Variants in ABAT observed in about 807,000 individuals in gnomAD.
The protein encoded by ABAT is 4-aminobutyrate aminotransferase, mitochondrial.
Under a neutral mutation model 64.6 loss-of-function variants are expected in ABAT, and 45 were observed. The observed-to-expected ratio is 0.70, with a 90% confidence interval of 0.55 to 0.89. The LOEUF is 0.89. Ranked by LOEUF, ABAT falls within the 40% of genes least tolerant of loss-of-function variation. The pLI is 0.00. For missense variants in ABAT, 633 were observed against 658.4 expected, an observed-to-expected ratio of 0.96 and a Z score of 0.42; for synonymous variants, 297 against 250.5, an observed-to-expected ratio of 1.19 and a Z score of -1.75.
At chr16:8,687,114 G>GT (rs2057472757) in intron 1 of ABAT, among the ~76,000 whole-genome samples, 1 of 152,162 alleles carries the variant, frequency 6.6e-6, no homozygotes, top group Admixed American at 6.5e-5. Flanking sequence ...TGGGTGCATT[G>GT]TGGAGAGAGA....
chr16:8,769,178 C>G (rs1041444837), intron 11 of ABAT, among the ~76,000 whole-genome samples: 2 of 152,220 alleles, frequency 1.3e-5, no homozygotes, highest in Non-Finnish European at 2.9e-5. Context: ...TCTGTCACAG[C>G]ATCCATCACC....
At chr16:8,694,690 G>C (rs901098367) in intron 1 of ABAT, among the ~76,000 whole-genome samples, 1 of 152,214 alleles carries the variant, frequency 6.6e-6, no homozygotes, top group African/African-American at 2.4e-5. Flanking sequence ...AGCTATGAAA[G>C]ATTTTGTTTT....
At chr16:8,762,460 G>A (rs2059825522) in intron 6 of ABAT, among the ~76,000 whole-genome samples, 1 of 152,204 alleles carries the variant, frequency 6.6e-6, no homozygotes, top group African/African-American at 2.4e-5. Flanking sequence ...GCTCAGAGAG[G>A]TTAAGTGAGT....
In ABAT at chr16:8,750,428, G is replaced by A. The variant is rs752701740; in HGVS notation, c.205G>A (p.Glu69Lys). 2.5e-6 allele frequency: 4 copies of A among 1,613,844 alleles called. No individual in the cohort carries two copies. Among genetic ancestry groups the A allele is most frequent in the Non-Finnish European group, 2.5e-6 (3 of 1,179,840 alleles). ...MKQLNIIQNA[E>K]AVHFFCNYEE... is the part of the protein sequence containing the mutation. ...GGTCTTTTCTTTCTCCAAGAATGCAGAGGCTGTGCATTTTTTCTGCAATTA... is the reference window on the plus strand; with the variant it reads ...GGTCTTTTCTTTCTCCAAGAATGCAAAGGCTGTGCATTTTTTCTGCAATTA... The change falls in exon 5 of 16, where the codon GAG becomes AAG. Residue 69 changes from glutamate (E) to lysine (K), a missense_variant. Transcript: ENST00000268251.
intron 11 of ABAT, among the ~76,000 whole-genome samples, chr16:8,770,636 T>C (rs1183076708): frequency 6.6e-6 from 1 of 152,000 alleles, no homozygotes; most frequent in African/African-American, 2.4e-5. Flanking sequence ...GAAACAGGTT[T>C]TGCCGTGTTG....
intron 1 of ABAT, among the ~76,000 whole-genome samples, chr16:8,720,083 G>A (rs1011710604): frequency 6.6e-6 from 1 of 152,180 alleles, no homozygotes; most frequent in East Asian, 1.9e-4. Flanking sequence ...AAAGTGCTAG[G>A]ATTACAGGCG....
At chr16:8,728,878 C>G (rs2058635384) in intron 1 of ABAT, among the ~76,000 whole-genome samples, 2 of 152,096 alleles carry the variant, frequency 1.3e-5, no homozygotes, top group Middle Eastern at 3.2e-3. Context: ...ATCTCAAAAA[C>G]AAAGAGTTTG....
At chr16:8,715,265 G>C (rs1469676751) in intron 1 of ABAT, 1 of 152,166 alleles carries the variant, frequency 6.6e-6, no homozygotes, top group Non-Finnish European at 1.5e-5. Flanking sequence ...AGAGATTAAA[G>C]AGCCATGAGC....
intron 1 of ABAT, among the ~76,000 whole-genome samples, chr16:8,706,124 C>G (rs1251991593): frequency 6.6e-6 from 1 of 152,074 alleles, no homozygotes; most frequent in Non-Finnish European, 1.5e-5. Context: ...AAAAGATACT[C>G]ATGCTGGCTG....
intron 1 of ABAT, among the ~76,000 whole-genome samples, chr16:8,730,792 A>G (rs2058695663): frequency 6.6e-6 from 1 of 152,160 alleles, no homozygotes; most frequent in Non-Finnish European, 1.5e-5. Flanking sequence ...AAATCCATGC[A>G]TTAGGCACAA....
intron 1 of ABAT, among the ~76,000 whole-genome samples, chr16:8,682,218 CACACACACAG>C (rs1253339820): frequency 2.0e-4 from 29 of 144,348 alleles, no homozygotes; most frequent in East Asian, 6.8e-4. Context: ...CACACACACA[CACACACACAG>C]AGGAGGCATT....
intron 1 of ABAT, among the ~76,000 whole-genome samples, chr16:8,703,635 G>A (rs1198948321): frequency 1.3e-5 from 2 of 152,148 alleles, no homozygotes; most frequent in Admixed American, 6.6e-5. Flanking sequence ...GTGTCTGAGG[G>A]CAAAAGTGGC....
At chr16:8,766,401 T>C (rs1033618655) in intron 9 of ABAT, 131 bp downstream of exon 9, 3 of 849,782 alleles carry the variant, frequency 3.5e-6, no homozygotes, top group Non-Finnish European at 5.7e-6. Context: ...ATGCCTGTAA[T>C]CCCAGCACTT....
intron 1 of ABAT, among the ~76,000 whole-genome samples, chr16:8,729,145 G>GA (rs56095207): frequency 0.74 from 108,459 of 145,656 alleles, 40,416 homozygotes; most frequent in Admixed American, 0.83. Context: ...TGGCTCTACT[G>GA]AAAAAAAAAA....
intron 1 of ABAT, among the ~76,000 whole-genome samples, chr16:8,724,994 G>A (rs1258705242): frequency 2.0e-5 from 3 of 150,078 alleles, no homozygotes; most frequent in Non-Finnish European, 4.4e-5. Context: ...TCGGCTCACC[G>A]CAACCTCCGC....
chr16:8,716,346 G>A (rs1178183270), intron 1 of ABAT, among the ~76,000 whole-genome samples: 1 of 152,076 alleles, frequency 6.6e-6, no homozygotes, highest in Non-Finnish European at 1.5e-5. Context: ...TTGTTCTGAT[G>A]GGTATTATGA....
intron 11 of ABAT, among the ~76,000 whole-genome samples, chr16:8,771,181 G>A (rs1273413): frequency 0.89 from 134,737 of 151,808 alleles, 60,578 homozygotes; most frequent in East Asian, 0.98. Flanking sequence ...TGTAATCCCA[G>A]CTACTCCAGA....
intron 12 of ABAT, among the ~76,000 whole-genome samples, chr16:8,774,223 C>T (rs916068307): frequency 6.6e-6 from 1 of 152,144 alleles, no homozygotes; most frequent in African/African-American, 2.4e-5. Flanking sequence ...AGAGCCACCG[C>T]GCCTTGCCGA....
intron 1 of ABAT, among the ~76,000 whole-genome samples, chr16:8,697,898 A>C (rs1388857194): frequency 6.6e-6 from 1 of 152,122 alleles, no homozygotes; most frequent in Non-Finnish European, 1.5e-5. Flanking sequence ...CAGCCTCCCA[A>C]AGTGCTGGGA....
Sources: allele counts gnomAD v4.1 joint callset (sites outside exome capture counted in the v4.1 genomes callset), GRCh38; gene constraint gnomAD v4.1.1; transcripts MANE v1.5; gene names NCBI Gene and HGNC (gene_info 2026-07-23, HGNC 2026-07-21).